GSG1L2: variants seen among roughly 807,000 people sequenced by gnomAD.
GSG1L2 encodes the protein germ cell-specific gene 1-like protein 2.
Under a neutral mutation model 9.0 loss-of-function variants are expected in GSG1L2, and 15 were observed. That is an observed-to-expected ratio of 1.67 (90% CI 1.12 to 2.57). The LOEUF (loss-of-function observed/expected upper bound fraction) is 2.57. GSG1L2 is among the 30% of genes most tolerant of loss of function. The pLI, the probability that GSG1L2 is intolerant of heterozygous loss-of-function variation, is 0.00. For synonymous variants in GSG1L2, 127 were observed against 57.9 expected, an observed-to-expected ratio of 2.19 and a Z score of -5.41; for missense variants, 286 against 150.3, an observed-to-expected ratio of 1.90 and a Z score of -4.72.
chr17:9,807,905 G>C (rs1234479947), intron 3 of GSG1L2: 1 of 278,598 alleles, frequency 3.6e-6, no homozygotes, highest in East Asian at 7.6e-5. Context: ...GATAAGACTT[G>C]AGGGAGGTAG....
chr17:9,807,070 T>C (rs1370167202), intron 4 of GSG1L2, among the ~76,000 whole-genome samples: 2 of 152,198 alleles, frequency 1.3e-5, no homozygotes, highest in African/African-American at 4.8e-5. Context: ...TTGGATAATA[T>C]GGTCGAGTCA....
intron 1 of GSG1L2, among the ~76,000 whole-genome samples, chr17:9,816,958 GT>G (rs2066570218): frequency 6.7e-6 from 1 of 148,556 alleles, no homozygotes; most frequent in Admixed American, 6.7e-5. Context: ...CACTCTGTGG[GT>G]TTGCAGAAGT....
rs1452362280 is a variant in GSG1L2, at chr17:9,801,468, G to A, written c.*918C>T. ...TGACCTCAAGTGATCTGTCTACCTC[G>A]GCCTCACAAAGTGCTGGGATTACAG... On this transcript the variant is annotated 3_prime_UTR_variant, in exon 5 of 5. Transcript: ENST00000399363. Among the ~76,000 whole-genome samples, 2 of 151,862 alleles carry A rather than the reference G, an allele frequency of 1.3e-5. No homozygotes were observed. Among genetic ancestry groups the A allele is most frequent in the African/African-American group, 2.4e-5 (1 of 41,336 alleles).
intron 1 of GSG1L2, among the ~76,000 whole-genome samples, chr17:9,817,186 G>A (rs537047859): frequency 6.6e-6 from 1 of 152,208 alleles, no homozygotes; most frequent in African/African-American, 2.4e-5. Context: ...GTGTGACTAC[G>A]GCTCATGCCA....
rs1475694424 is a variant in GSG1L2 at position 9,821,989 on chromosome 17, C to A, written c.83G>T (p.Ser28Ile). ...TCGGGTCCCCTCACACCAGTGGCTG[C>A]TGACCACGGCGGTGAGGGAGAAGGT... ...ALTFSLTAVV[S>I]SHWCEGTRRV... The change falls in exon 1 of 5, where the codon AGC (serine) becomes ATC (isoleucine). Residue 28 changes from serine (S) to isoleucine (I), a missense_variant. By Grantham distance (142) the Ser-to-Ile change is moderately radical. Coordinates refer to ENST00000399363, the MANE Select transcript of GSG1L2 (RefSeq NM_001310219.2). The A allele has an allele frequency of 2.8e-6, 2 of 702,992 alleles. No homozygotes were observed. Among genetic ancestry groups the A allele is most frequent in the Non-Finnish European group, 5.2e-6 (2 of 385,036 alleles). The allele number at this position is 702,992 out of a possible 1,614,324, so 43.5% of individuals were successfully genotyped here.
chr17:9,809,230 A>C (rs1396358455), intron 2 of GSG1L2: 4 of 475,732 alleles, frequency 8.4e-6, no homozygotes, highest in Non-Finnish European at 1.5e-5. Flanking sequence ...AACTAAGCAA[A>C]ACCCTGCTGT....
rs73976616 is a variant in GSG1L2, at chr17:9,808,731, G to A, written c.511+99C>T. 2.9e-3 allele frequency: 1,841 copies of A among 625,340 alleles called. 21 individuals carry two copies. The highest frequency in any genetic ancestry group is 0.026 in the African/African-American group (1,460 of 55,184). 38.7% of individuals were successfully genotyped at this position (625,340 alleles called of 1,614,324 possible). On this transcript the variant is annotated intron_variant, in intron 3 of 4. Coordinates refer to ENST00000399363, the MANE Select transcript of GSG1L2 (RefSeq NM_001310219.2). ...CCGCCCTGCTTAAATGGCCATTGAT[G>A]GGAAAGAGCCAGCCTGTTCTTTGGT...
chr17:9,804,242 A>C (rs1343354833), intron 4 of GSG1L2: 1 of 152,274 alleles, frequency 6.6e-6, no homozygotes, highest in African/African-American at 2.4e-5. Flanking sequence ...TTATATCAGC[A>C]CTGCTGAATC....
intron 1 of GSG1L2, among the ~76,000 whole-genome samples, chr17:9,814,579 G>A (rs2066552411): frequency 6.6e-6 from 1 of 152,212 alleles, no homozygotes; most frequent in Non-Finnish European, 1.5e-5. Context: ...CTTGGGCCCA[G>A]AGTCAGAGCC....
At position 9,802,622 on chromosome 17, in the gene GSG1L2, G is replaced by T. The variant is rs74901801; in HGVS notation, c.646C>A (p.Leu216Ile). ...GCCGAGACCGACACAGCCAGGCAGA[G>T]GGCGAAAGAACCCCAGGCAAGGCTG... ...SYCLAWGSFA[L>I]CLAVSVSAMS... Residue 216 changes from leucine (L) to isoleucine (I), a missense_variant, in exon 5 of 5, where the codon CTC (leucine) becomes ATC (isoleucine). By Grantham distance (5) the Leu-to-Ile change is conservative. Coordinates refer to ENST00000399363, the MANE Select transcript of GSG1L2 (RefSeq NM_001310219.2). 11 of 702,802 alleles carry T rather than the reference G, an allele frequency of 1.6e-5. No homozygotes were observed. Among genetic ancestry groups the T allele is most frequent in the African/African-American group, 8.7e-5 (5 of 57,200 alleles). The allele number at this position is 702,802 out of a possible 1,614,324, so 43.5% of individuals were successfully genotyped here.
chr17:9,802,361 C>A lies in GSG1L2; in HGVS notation c.*25G>T, dbSNP rs141155459. The A allele has an allele frequency of 9.6e-6, 6 of 628,192 alleles. No homozygotes were observed. Among genetic ancestry groups the A allele is most frequent in the African/African-American group, 5.5e-5 (3 of 54,858 alleles). The allele number at this position is 628,192 out of a possible 1,614,324, so 38.9% of individuals were successfully genotyped here. On this transcript the variant is annotated 3_prime_UTR_variant, in exon 5 of 5. Transcript: ENST00000399363. The stretch of plus-strand genomic sequence containing the variant: ...TCAGTGCCTGGCTTGTTTGCCTGTG[C>A]GGATGTGGCAGCCATGGACACTGGC...
rs149978687 is a variant in GSG1L2, at chr17:9,809,067, C to T, written c.359-85G>A. The T allele has an allele frequency of 2.1e-4, 136 of 661,914 alleles. 2 individuals are homozygous for T. In the African/African-American group the frequency reaches 2.3e-3, roughly 11 times the overall value. 41.0% of individuals were successfully genotyped at this position (661,914 alleles called of 1,614,324 possible). A position where few individuals can be genotyped will look rare whatever the true frequency, so the allele number is the denominator to read the frequency against. On this transcript the variant is annotated intron_variant, in intron 2 of 4. Coordinates refer to ENST00000399363, the MANE Select transcript of GSG1L2 (RefSeq NM_001310219.2). ...TTCAATCCTTTGATTTAGTTCACTT[C>T]TAAACAAAACATGAAAAACAGACAC...
At position 9,802,417 on chromosome 17, in the gene GSG1L2, G is replaced by A; in HGVS notation, c.851C>T (p.Pro284Leu). The change falls in exon 5 of 5, where the codon CCA becomes CTA. Residue 284 changes from proline to leucine, a missense_variant. Pro to Leu is a moderately conservative substitution (Grantham distance 98). Coordinates refer to ENST00000399363, the MANE Select transcript of GSG1L2 (RefSeq NM_001310219.2). ...TATGGACACCTTGCCTGGGGCGCCT[G>A]GTGGGAGGTGTCCAGAAACATTCCT... ...AFRNVSGHLPPGAPGKVSIC is the reference protein window; with the variant it reads ...AFRNVSGHLPLGAPGKVSIC 1 of 687,560 alleles carries A rather than the reference G, an allele frequency of 1.5e-6. No individual in the cohort carries two copies. The highest frequency in any genetic ancestry group is 2.7e-6 in the Non-Finnish European group (1 of 375,726). The allele number at this position is 687,560 out of a possible 1,614,324, so 42.6% of individuals were successfully genotyped here. A position where few individuals can be genotyped will look rare whatever the true frequency, so the allele number is the denominator to read the frequency against.
chr17:9,817,144 G>A (rs1041886086), intron 1 of GSG1L2, among the ~76,000 whole-genome samples: 13 of 151,958 alleles, frequency 8.6e-5, no homozygotes, highest in African/African-American at 3.1e-4. Flanking sequence ...GAAATCTTGG[G>A]GACATTTTTA....
intron 4 of GSG1L2, chr17:9,805,556 C>A (rs1597939510): frequency 1.3e-5 from 2 of 152,226 alleles, no homozygotes; most frequent in South Asian, 4.2e-4. Flanking sequence ...TCCAGGCATG[C>A]AAGGAGTAAA....
At chr17:9,808,692 A>G in intron 3 of GSG1L2, 138 bp downstream of exon 3, 1 of 586,540 alleles carries the variant, frequency 1.7e-6, no homozygotes, top group Non-Finnish European at 3.0e-6. Context: ...TTGGTGACTT[A>G]TCCAGGGGAC....
chr17:9,816,370 CTG>C (rs2066559538), intron 1 of GSG1L2, among the ~76,000 whole-genome samples: 2 of 122,890 alleles, frequency 1.6e-5, no homozygotes, highest in African/African-American at 6.2e-5. Flanking sequence ...ATGCGTGTGT[CTG>C]TGTGTGTGCG....
intron 1 of GSG1L2, among the ~76,000 whole-genome samples, chr17:9,813,285 C>T (rs1356502005): frequency 6.6e-6 from 1 of 152,238 alleles, no homozygotes; most frequent in Non-Finnish European, 1.5e-5. Context: ...AGAAGAGAAA[C>T]TCAGGTTGGG....
At chr17:9,811,479 TA>T (rs1371663348) in intron 1 of GSG1L2, among the ~76,000 whole-genome samples, 72 of 152,288 alleles carry the variant, frequency 4.7e-4, no homozygotes, top group Non-Finnish European at 1.3e-4. Flanking sequence ...CAGTTCCCTT[TA>T]AAATTCTAAG....
Sources: allele counts gnomAD v4.1 joint callset (sites outside exome capture counted in the v4.1 genomes callset), GRCh38; gene constraint gnomAD v4.1.1; transcripts MANE v1.5; gene names NCBI Gene and HGNC (gene_info 2026-07-23, HGNC 2026-07-21).